Variants in ACOX3 observed in about 807,000 individuals in gnomAD.
ACOX3 encodes the protein peroxisomal acyl-coenzyme A oxidase 3.
In ACOX3, 73 loss-of-function variants were observed where a neutral mutation model predicts 81.5. That is an observed-to-expected ratio of 0.90 (90% CI 0.74 to 1.09). The LOEUF is 1.09. ACOX3 is among the 50% of genes least tolerant of loss of function. ACOX3 has a pLI of 0.00. For missense variants in ACOX3, 947 were observed against 928.0 expected (o/e 1.02, Z -0.27); for synonymous variants, 387 against 375.1 (o/e 1.03, Z -0.37).
intron 14 of ACOX3, among the ~76,000 whole-genome samples, chr4:8,375,585 CTCCCTGAGCTCAGAATTGACTTCACTTCT>C: frequency 1.3e-5 from 2 of 152,198 alleles, no homozygotes; most frequent in East Asian, 3.9e-4. Context: ...TGTCAGGCTC[CTCCCTGAGCTCAGAATTGACTTCACTTCT>C]CCAAAGATCT....
At position 8,423,846 on chromosome 4, in the gene ACOX3, C is replaced by T. The variant is rs1487019659; in HGVS notation, c.-14-7311G>A. ...CTGTTTTACCCCAAGGGTTCATGGA[C>T]AGCCCCCATCTATTTGGCCAGGCAT... On this transcript the variant is annotated intron_variant, in intron 1 of 17. Transcript: ENST00000356406. The surrounding 1 kb of genome is among the most constrained non-coding windows in gnomAD (Gnocchi z 4.2). Among the ~76,000 whole-genome samples the T allele has an allele frequency of 6.6e-6, 1 of 152,224 alleles. No individual in the cohort carries two copies. Among genetic ancestry groups the T allele is most frequent in the Non-Finnish European group, 1.5e-5 (1 of 68,042 alleles).
chr4:8,363,380 T>C (rs1715273246), downstream of ACOX3, among the ~76,000 whole-genome samples: 1 of 152,238 alleles, frequency 6.6e-6, no homozygotes, highest in African/African-American at 2.4e-5. Context: ...TATCACCTTT[T>C]GTGAGAACTC....
At chr4:8,379,675 CG>C (rs1717395408) in intron 14 of ACOX3, among the ~76,000 whole-genome samples, 1 of 152,170 alleles carries the variant, frequency 6.6e-6, no homozygotes, top group Admixed American at 6.5e-5. Flanking sequence ...AAGGACCTAC[CG>C]GGCAGTTCTA....
At chr4:8,388,979 A>T (rs1263446249) in intron 13 of ACOX3, among the ~76,000 whole-genome samples, 194 bp downstream of exon 13, 1 of 152,178 alleles carries the variant, frequency 6.6e-6, no homozygotes, top group Non-Finnish European at 1.5e-5. Flanking sequence ...CTGTGGAGTC[A>T]GCGCCTAACT....
At position 8,386,234 on chromosome 4, in the gene ACOX3, T is replaced by C. The variant is rs1007506425; in HGVS notation, c.1537+2939A>G. On this transcript the variant is annotated intron_variant, in intron 13 of 17. Coordinates refer to ENST00000356406, the MANE Select transcript of ACOX3 (RefSeq NM_003501.3). This position sits in a 1 kb window ranked among gnomAD's most constrained non-coding sequence, Gnocchi z 5.2. ...TGAAGTTACCACAATGATTAGGTCA[T>C]TTTCTAGTTCTTTCTGTGGCAACAT... Among the ~76,000 whole-genome samples the C allele has an allele frequency of 6.6e-6, 1 of 152,192 alleles. No individual in the cohort carries two copies. The highest frequency in any genetic ancestry group is 1.5e-5 in the Non-Finnish European group (1 of 68,040).
rs1409680312 is a variant in ACOX3, at chr4:8,384,663, G to A, written c.1538-3056C>T. Among the ~76,000 whole-genome samples the A allele has an allele frequency of 6.6e-6, 1 of 152,122 alleles. No homozygotes were observed. The highest frequency in any genetic ancestry group is 2.4e-5 in the African/African-American group (1 of 41,440). ...GGGGCTCTGTCCTTGACCCCATGGT[G>A]AGCTCTTCGCATGCACTGCCTGCCT... On this transcript the variant is annotated intron_variant, in intron 13 of 17. Coordinates refer to ENST00000356406, the MANE Select transcript of ACOX3 (RefSeq NM_003501.3). The surrounding 1 kb of genome is among the most constrained non-coding windows in gnomAD (Gnocchi z 5.3).
chr4:8,411,082 C>A (rs1382650936), intron 5 of ACOX3, among the ~76,000 whole-genome samples: 2 of 152,170 alleles, frequency 1.3e-5, no homozygotes, highest in Non-Finnish European at 2.9e-5. Context: ...TGCTGGGAGC[C>A]CTTCGAGTAA....
In ACOX3 at chr4:8,381,244, G is replaced by A. The variant is rs917316938; in HGVS notation, c.1653+248C>T. Among the ~76,000 whole-genome samples the A allele has an allele frequency of 2.0e-5, 3 of 152,148 alleles. No homozygotes were observed. Among genetic ancestry groups the A allele is most frequent in the Non-Finnish European group, 2.9e-5 (2 of 68,028 alleles). ...CCAGAGCTTCACCGCTCTGGTTTAC[G>A]GGCTGGGAACCGTCAGGCACGGTAA... On this transcript the variant is annotated intron_variant, in intron 14 of 17. Coordinates refer to ENST00000356406, the MANE Select transcript of ACOX3 (RefSeq NM_003501.3). The surrounding 1 kb of genome is among the most constrained non-coding windows in gnomAD (Gnocchi z 4.3).
chr4:8,420,645 C>T (rs1722839194), intron 1 of ACOX3, among the ~76,000 whole-genome samples: 1 of 152,344 alleles, frequency 6.6e-6, no homozygotes, highest in Middle Eastern at 3.4e-3. Flanking sequence ...TGGGTACCCC[C>T]CCGTTGAATG....
At chr4:8,388,383 A>T (rs1718553870) in intron 13 of ACOX3, among the ~76,000 whole-genome samples, 1 of 152,238 alleles carries the variant, frequency 6.6e-6, no homozygotes, top group Non-Finnish European at 1.5e-5. Context: ...CTGCAGAGTG[A>T]GCACATAACG....
Position 8,414,227 on chromosome 4 carries a change from G to A in ACOX3, c.543+65C>T. 9.6e-6 allele frequency: 13 copies of A among 1,347,308 alleles called. No individual in the cohort carries two copies. Among genetic ancestry groups the A allele is most frequent in the South Asian group, 2.4e-5 (2 of 82,134 alleles). The allele number at this position is 1,347,308 out of a possible 1,614,324, so 83.5% of individuals were successfully genotyped here. ...TTTTTTTTTTCTTATTCTGGGCAAC[G>A]GCATTTGCACTCATGACGTCTCATA... On this transcript the variant is annotated intron_variant, in intron 5 of 17. Transcript: ENST00000356406. The surrounding 1 kb of genome is among the most constrained non-coding windows in gnomAD (Gnocchi z 6.1).
Position 8,386,362 on chromosome 4 carries a change from C to G in ACOX3, c.1537+2811G>C, listed in dbSNP as rs191806447. Among the ~76,000 whole-genome samples the G allele has an allele frequency of 6.6e-6, 1 of 151,910 alleles. No homozygotes were observed. The highest frequency in any genetic ancestry group is 1.9e-4 in the East Asian group (1 of 5,152). On this transcript the variant is annotated intron_variant, in intron 13 of 17. Coordinates refer to ENST00000356406, the MANE Select transcript of ACOX3 (RefSeq NM_003501.3). The surrounding 1 kb of genome is among the most constrained non-coding windows in gnomAD (Gnocchi z 5.2). ...TGGGCGGATCACGAGGTCAGGATAT[C>G]GAGACCATCCTGCCTAACACGGTGA...
intron 5 of ACOX3, among the ~76,000 whole-genome samples, chr4:8,411,816 G>C (rs999235940): frequency 6.6e-6 from 1 of 152,198 alleles, no homozygotes; most frequent in Non-Finnish European, 1.5e-5. Flanking sequence ...AGACCTGTCT[G>C]CTGTGCTCGC....
At chr4:8,401,553 A>G (rs1172266758) in intron 7 of ACOX3, among the ~76,000 whole-genome samples, 2 of 151,898 alleles carry the variant, frequency 1.3e-5, no homozygotes, top group Non-Finnish European at 1.5e-5. Context: ...CAGCAACCAT[A>G]TTGGCTCTTT....
chr4:8,416,271 G>C lies in ACOX3; in HGVS notation c.144+107C>G. 6.3e-7 allele frequency: 1 copy of C among 1,579,032 alleles called. No individual in the cohort carries two copies. Among genetic ancestry groups the C allele is most frequent in the Admixed American group, 1.7e-5 (1 of 59,692 alleles). ...AGAGAGGCCGCGCTGCCTGGGATGA[G>C]CCTCGCCCGGCAGAGGAGGAGCTGT... On this transcript the variant is annotated intron_variant, in intron 2 of 17. Coordinates refer to ENST00000356406, the MANE Select transcript of ACOX3 (RefSeq NM_003501.3). The surrounding 1 kb of genome is among the most constrained non-coding windows in gnomAD (Gnocchi z 4.2).
At chr4:8,428,197 C>G (rs941229459) in intron 1 of ACOX3, among the ~76,000 whole-genome samples, 1 of 152,152 alleles carries the variant, frequency 6.6e-6, no homozygotes, top group Admixed American at 6.5e-5. Context: ...GTAACCCTGG[C>G]CCCCCCGCCC....
Position 8,387,390 on chromosome 4 carries a change from G to A in ACOX3, c.1537+1783C>T, listed in dbSNP as rs116505522. ...GCTGACGTCTCTCTCACTCAGGAAGGTGGGCTACTCTTCCACGTCTCGGGT... is the reference window on the plus strand; with the variant it reads ...GCTGACGTCTCTCTCACTCAGGAAGATGGGCTACTCTTCCACGTCTCGGGT... On this transcript the variant is annotated intron_variant, in intron 13 of 17. Transcript: ENST00000356406. Among the ~76,000 whole-genome samples the A allele has an allele frequency of 4.9e-3, 740 of 152,302 alleles. 9 individuals carry two copies. The highest frequency in any genetic ancestry group is 0.017 in the African/African-American group (709 of 41,576).
At chr4:8,358,101 C>T in the ACOX3 span, 1 of 152,276 alleles carries the variant, frequency 6.6e-6, no homozygotes, top group African/African-American at 2.4e-5. Context: ...GGTATAGCAT[C>T]ACATGACACA....
chr4:8,358,276 C>A, the ACOX3 span: 1 of 152,114 alleles, frequency 6.6e-6, no homozygotes, highest in African/African-American at 2.4e-5. Context: ...CTTTTAAGGG[C>A]CTATAAGAGA....
Sources: gnomAD v4.1 joint callset for allele counts (sites outside exome capture counted in the v4.1 genomes callset) on GRCh38, gnomAD v4.1.1 for gene constraint, Gnocchi (gnomAD v3.1) non-coding constraint, MANE v1.5 for transcripts, NCBI Gene and HGNC (gene_info 2026-07-23, HGNC 2026-07-21) for gene names.